The following ZDHHC11B variants were observed in gnomAD, a reference collection of about 807,000 sequenced individuals.
The protein encoded by ZDHHC11B is probable palmitoyltransferase ZDHHC11B.
ZDHHC11B carries 17 observed loss-of-function variants against 42.3 expected under a neutral mutation model. The observed-to-expected ratio is 0.40, with a 90% CI of 0.27 to 0.60. The LOEUF is 0.60. Ranked by LOEUF, ZDHHC11B falls within the 20% of genes least tolerant of loss-of-function variation. ZDHHC11B has a pLI of 0.41. For synonymous variants in ZDHHC11B, 123 were observed against 193.5 expected (o/e 0.64, Z 3.02); for missense variants, 262 against 463.2 (o/e 0.57, Z 3.99).
intron 12 of ZDHHC11B, among the ~76,000 whole-genome samples, chr5:722,954 G>A (rs1742301946): frequency 6.6e-6 from 1 of 151,584 alleles, no homozygotes; most frequent in African/African-American, 2.4e-5. Context: ...AGTATTCAAT[G>A]TATTGCACGT....
Position 757,056 on chromosome 5 carries a change from C to T in ZDHHC11B, c.223-912G>A, listed in dbSNP as rs1164700471. 1.1e-4 allele frequency among the ~76,000 whole-genome samples: 16 copies of T among 151,810 alleles called. 2 individuals are homozygous for T. The highest frequency in any genetic ancestry group is 2.1e-4 in the South Asian group (1 of 4,802). On this transcript the variant is annotated intron_variant, in intron 4 of 13. Transcript: ENST00000508859. Reference sequence around the variant, plus strand: ...TCCCCGTGACTGGAACGTCAGCTTCCGCCCTCAGATACTGGCTCCCTCCTC... The same window carrying T: ...TCCCCGTGACTGGAACGTCAGCTTCTGCCCTCAGATACTGGCTCCCTCCTC...
intron 12 of ZDHHC11B, among the ~76,000 whole-genome samples, chr5:724,953 C>T (rs1279727963): frequency 1.6e-4 from 24 of 146,400 alleles, no homozygotes; most frequent in African/African-American, 4.3e-4. Context: ...GATGCACACA[C>T]GGCACTTCTG....
chr5:757,268 G>A (rs1359605755), intron 4 of ZDHHC11B, among the ~76,000 whole-genome samples: 16 of 151,938 alleles, frequency 1.1e-4, no homozygotes, highest in African/African-American at 3.9e-4. Flanking sequence ...TGGAAACGCA[G>A]GCTGCCGGCC....
chr5:766,615 T>C, intron 4 of ZDHHC11B, 83 bp downstream of exon 4: 3 of 1,416,944 alleles, frequency 2.1e-6, no homozygotes, highest in Non-Finnish European at 2.9e-6. Context: ...CGGGCAGCCA[T>C]GGCCCAGACC....
chr5:715,529 T>G (rs1332857699), intron 13 of ZDHHC11B, among the ~76,000 whole-genome samples: 1 of 151,102 alleles, frequency 6.6e-6, no homozygotes, highest in Non-Finnish European at 1.5e-5. Flanking sequence ...ATTTTGCAAC[T>G]TCATGGTCAG....
chr5:717,881 A>ACTG (rs1453934538), intron 12 of ZDHHC11B, among the ~76,000 whole-genome samples: 2 of 151,682 alleles, frequency 1.3e-5, no homozygotes, highest in African/African-American at 4.9e-5. Context: ...CCAGGCAGTG[A>ACTG]CTGCTGCTGC....
chr5:756,351 C>T (rs1337574207), intron 4 of ZDHHC11B, among the ~76,000 whole-genome samples: 1 of 151,620 alleles, frequency 6.6e-6, no homozygotes, highest in African/African-American at 2.4e-5. Flanking sequence ...TACACTTGGC[C>T]CTTCACACAC....
intron 1 of ZDHHC11B, among the ~76,000 whole-genome samples, chr5:784,353 G>C (rs1331771845): frequency 3.3e-5 from 5 of 151,992 alleles, no homozygotes; most frequent in African/African-American, 1.2e-4. Flanking sequence ...CCGTGGCCGC[G>C]AAGAAAGGCC....
chr5:757,889 G>C (rs1279613261), intron 4 of ZDHHC11B, among the ~76,000 whole-genome samples: 8 of 151,864 alleles, frequency 5.3e-5, no homozygotes, highest in African/African-American at 1.9e-4. Flanking sequence ...TCACATGGGG[G>C]CCAGGACTGG....
rs1239014738 is a variant in ZDHHC11B, at chr5:783,824, GCAGCCTCCCAAACCCCATCA to G, written c.-230+824_-230+843del. Among the ~76,000 whole-genome samples, 358 of 84,382 alleles carry G rather than the reference GCAGCCTCCCAAACCCCATCA, an allele frequency of 4.2e-3. 3 individuals are homozygous for G. Among genetic ancestry groups the G allele is most frequent in the African/African-American group, 0.022 (343 of 15,794 alleles). The allele number at this position is 84,382 out of a possible 152,430, so 55.4% of individuals were successfully genotyped here. ...CAGCCCCCTAAACCCCATCAAAACA[GCAGCCTCCCAAACCCCATCA>G]AAACAGCAGCCCCCCAAGCCCCATC... On this transcript the variant is annotated intron_variant, in intron 1 of 13. Transcript: ENST00000508859.
rs546527360 is a variant in ZDHHC11B, at chr5:743,877, C to T, written c.900+1306G>A. Among the ~76,000 whole-genome samples the T allele has an allele frequency of 1.5e-3, 229 of 149,756 alleles. 16 individuals carry two copies. Among genetic ancestry groups the T allele is most frequent in the Middle Eastern group, 0.01 (3 of 288 alleles). The stretch of plus-strand genomic sequence containing the variant: ...ATTTTCCCTGCTGCGCTGGGCTGGC[C>T]GGAATGTGACTGCAATGTCAGAAGT... On this transcript the variant is annotated intron_variant, in intron 9 of 13. Transcript: ENST00000508859.
intron 4 of ZDHHC11B, 148 bp from the exon 5 acceptor site, chr5:756,292 G>C: frequency 7.7e-7 from 1 of 1,301,966 alleles, no homozygotes. Context: ...ACCCAGGCCT[G>C]GCCCTGCTCA....
At chr5:723,230 G>A (rs549403224) in intron 12 of ZDHHC11B, among the ~76,000 whole-genome samples, 4,744 of 145,332 alleles carry the variant, frequency 0.033, 5 homozygotes, top group African/African-American at 0.12. Flanking sequence ...ATTGGGATTC[G>A]TGTGACTCTG....
At chr5:733,686 A>T in intron 11 of ZDHHC11B, 66 bp downstream of exon 11, 2 of 1,416,708 alleles carry the variant, frequency 1.4e-6, no homozygotes, top group Middle Eastern at 1.8e-4. Flanking sequence ...AGCTTGGGGG[A>T]CCCGAGACCA....
chr5:767,392 C>G lies in ZDHHC11B; in HGVS notation c.-1G>C. ...AGGGCTCCCCGGGGCCAACACCTGCCTCGGCGCACACTGCACGCCTGTCTC... is the reference window on the plus strand; with the variant it reads ...AGGGCTCCCCGGGGCCAACACCTGCGTCGGCGCACACTGCACGCCTGTCTC... On this transcript the variant is annotated splice_region_variant and 5_prime_UTR_variant, in exon 3 of 14. Coordinates refer to ENST00000508859, the MANE Select transcript of ZDHHC11B (RefSeq NM_001351303.2). The G allele has an allele frequency of 6.4e-7, 1 of 1,561,416 alleles. No individual in the cohort carries two copies. Among genetic ancestry groups the G allele is most frequent in the South Asian group, 1.2e-5 (1 of 86,926 alleles).
In ZDHHC11B at chr5:710,451, G is replaced by A. The variant is rs1445238814; in HGVS notation, c.*1839C>T. On this transcript the variant is annotated 3_prime_UTR_variant, in exon 14 of 14. Coordinates refer to ENST00000508859, the MANE Select transcript of ZDHHC11B (RefSeq NM_001351303.2). ...AACGCAGAGTTCATTAAAATACAGA[G>A]GATGCCTCTGGTTCTCTGGTATTGA... 1.3e-5 allele frequency: 2 copies of A among 154,676 alleles called. No individual in the cohort carries two copies. Among genetic ancestry groups the A allele is most frequent in the Non-Finnish European group, 2.9e-5 (2 of 68,190 alleles). The allele number at this position is 154,676 out of a possible 1,614,324, so 9.6% of individuals were successfully genotyped here.
In ZDHHC11B at chr5:725,199, A is replaced by G. The variant is rs527555686; in HGVS notation, c.1058+5235T>C. Among the ~76,000 whole-genome samples, 13 of 150,850 alleles carry G rather than the reference A, an allele frequency of 8.6e-5. No homozygotes were observed. The South Asian group carries it at 2.7e-3, about 32-fold the overall frequency. ...CCTGCCTTGTGAGGACAAGCAGAGGAGGCCATCGGAGAACCAGGAAGGGGC... is the reference window on the plus strand; with the variant it reads ...CCTGCCTTGTGAGGACAAGCAGAGGGGGCCATCGGAGAACCAGGAAGGGGC... On this transcript the variant is annotated intron_variant, in intron 12 of 13. Transcript: ENST00000508859.
At chr5:729,852 G>C (rs1742883793) in intron 12 of ZDHHC11B, among the ~76,000 whole-genome samples, 1 of 151,736 alleles carries the variant, frequency 6.6e-6, no homozygotes, top group Non-Finnish European at 1.5e-5. Context: ...TGTTCTGTGA[G>C]AAGTGTATCC....
At chr5:761,079 A>G (rs1734547437) in intron 4 of ZDHHC11B, among the ~76,000 whole-genome samples, 1 of 151,818 alleles carries the variant, frequency 6.6e-6, no homozygotes. Flanking sequence ...ACATGCCCAG[A>G]ACCTCGGCCG....
Sources: gnomAD v4.1 joint callset for allele counts (sites outside exome capture counted in the v4.1 genomes callset) on GRCh38, gnomAD v4.1.1 for gene constraint, MANE v1.5 for transcripts, NCBI Gene and HGNC (gene_info 2026-07-23, HGNC 2026-07-21) for gene names.